The following KIAA1549L variants were observed in gnomAD, a reference collection of about 807,000 sequenced individuals.
The protein encoded by KIAA1549L is KIAA1549 like.
In KIAA1549L, 88 loss-of-function variants were observed where a neutral mutation model predicts 160.7. The observed-to-expected ratio is 0.55, with a 90% CI of 0.46 to 0.65. The LOEUF (loss-of-function observed/expected upper bound fraction) is 0.65, where lower values mean the gene tolerates loss of function less well. Ranked by LOEUF, KIAA1549L falls within the 30% of genes least tolerant of loss-of-function variation. KIAA1549L has a pLI of 0.00. For missense variants in KIAA1549L, 2,258 were observed against 2,437.5 expected (o/e 0.93, Z 1.55); for synonymous variants, 950 against 976.7 (o/e 0.97, Z 0.51).
intron 16 of KIAA1549L, among the ~76,000 whole-genome samples, chr11:33,642,054 G>A (rs562420069): frequency 6.6e-6 from 1 of 152,180 alleles, no homozygotes; most frequent in South Asian, 2.1e-4. Context: ...GGGGGAGGGA[G>A]GTGCAGGGAT....
intron 12 of KIAA1549L, among the ~76,000 whole-genome samples, chr11:33,592,016 G>A (rs766040653): frequency 7.2e-5 from 11 of 152,170 alleles, no homozygotes; most frequent in East Asian, 1.9e-4. Context: ...GGAAAACCTC[G>A]TGGAGAAGGT....
chr11:33,425,396 G>T (rs1851095929), intron 1 of KIAA1549L, among the ~76,000 whole-genome samples: 1 of 152,194 alleles, frequency 6.6e-6, no homozygotes, highest in Non-Finnish European at 1.5e-5. Flanking sequence ...GTGTCACTGT[G>T]ATGTATCAAG....
chr11:33,442,568 T>C (rs1209398414), intron 1 of KIAA1549L, among the ~76,000 whole-genome samples: 1 of 152,248 alleles, frequency 6.6e-6, no homozygotes, highest in African/African-American at 2.4e-5. Flanking sequence ...ATCTGTCTTT[T>C]CACTCTGACT....
chr11:33,602,126 A>G (rs1850382244), intron 13 of KIAA1549L, among the ~76,000 whole-genome samples: 2 of 152,212 alleles, frequency 1.3e-5, no homozygotes, highest in Non-Finnish European at 2.9e-5. Context: ...TGAACCCTTT[A>G]AAGTATGCCC....
intron 1 of KIAA1549L, among the ~76,000 whole-genome samples, chr11:33,486,615 G>A (rs1417331866): frequency 6.6e-6 from 1 of 151,978 alleles, no homozygotes; most frequent in African/African-American, 2.4e-5. Context: ...TTAAAGGTTA[G>A]TAAATGATTT....
chr11:33,654,084 T>C (rs1162647937), intron 17 of KIAA1549L, among the ~76,000 whole-genome samples: 1 of 152,126 alleles, frequency 6.6e-6, no homozygotes, highest in Non-Finnish European at 1.5e-5. Context: ...GCAATTCTCC[T>C]GCCTCAGCCT....
At chr11:33,536,628 A>G (rs1269066141) in intron 1 of KIAA1549L, among the ~76,000 whole-genome samples, 1 of 152,230 alleles carries the variant, frequency 6.6e-6, no homozygotes, top group African/African-American at 2.4e-5. Context: ...AAGCCCACTC[A>G]GATTCAAGGA....
At position 33,543,892 on chromosome 11, in the gene KIAA1549L, C is replaced by G; in HGVS notation, c.2329C>G (p.Leu777Val). Residue 777 changes from leucine (L) to valine (V), a missense_variant, in exon 2 of 21, where the codon CTA becomes GTA. This residue lies in a region of KIAA1549L where 287 missense variants were observed against 292.3 expected (regional missense o/e 0.98). Coordinates refer to ENST00000658780, the MANE Select transcript of KIAA1549L (RefSeq NM_012194.3). ...TGCAGAAGGGTTTAGTATTCAGGATCTAGTCCTCGGTACAAGCATTGAGCA... is the reference window on the plus strand; with the variant it reads ...TGCAGAAGGGTTTAGTATTCAGGATGTAGTCCTCGGTACAAGCATTGAGCA... ...VTAEGFSIQDLVLGTSIEQPV... is the reference protein window; with the variant it reads ...VTAEGFSIQDVVLGTSIEQPV... The G allele has an allele frequency of 6.2e-7, 1 of 1,614,036 alleles. No homozygotes were observed. The highest frequency in any genetic ancestry group is 8.5e-7 in the Non-Finnish European group (1 of 1,179,896).
intron 1 of KIAA1549L, among the ~76,000 whole-genome samples, chr11:33,401,712 C>A (rs12578093): frequency 0.06 from 9,106 of 152,234 alleles, 313 homozygotes; most frequent in South Asian, 0.11. Context: ...CAGGCACATG[C>A]CACAATGCCC....
chr11:33,550,157 G>C (rs1263304054), intron 4 of KIAA1549L, among the ~76,000 whole-genome samples: 4 of 151,724 alleles, frequency 2.6e-5, no homozygotes, highest in African/African-American at 9.7e-5. Context: ...TAATAGCACT[G>C]AACAGCACAC....
At chr11:33,511,057 T>G (rs570694967) in intron 1 of KIAA1549L, among the ~76,000 whole-genome samples, 2 of 152,322 alleles carry the variant, frequency 1.3e-5, no homozygotes, top group African/African-American at 2.4e-5. Flanking sequence ...AAACATTAGT[T>G]TTCCATGGCG....
rs1393678850 is a variant in KIAA1549L at position 33,673,812 on chromosome 11, A to C, written c.*5658A>C. ...GAAATTGCCCACAAGATCTAGCCTC[A>C]TCTGGAGTTGCTGTTATTGTCCTTG... On this transcript the variant is annotated 3_prime_UTR_variant, in exon 21 of 21. Transcript: ENST00000658780. 2 of 152,220 alleles carry C rather than the reference A, an allele frequency of 1.3e-5. No individual in the cohort carries two copies. The highest frequency in any genetic ancestry group is 3.9e-4 in the East Asian group (2 of 5,192). The allele number at this position is 152,220 out of a possible 1,614,324, so 9.4% of individuals were successfully genotyped here. A position where few individuals can be genotyped will look rare whatever the true frequency, so the allele number is the denominator to read the frequency against.
chr11:33,651,654 C>G (rs1242417135), intron 17 of KIAA1549L, among the ~76,000 whole-genome samples: 3 of 152,128 alleles, frequency 2.0e-5, no homozygotes, highest in Non-Finnish European at 4.4e-5. Flanking sequence ...TAGTGCCACC[C>G]TGGAGGTTTA....
intron 16 of KIAA1549L, among the ~76,000 whole-genome samples, chr11:33,624,049 A>G (rs1362933886): frequency 6.6e-6 from 1 of 152,076 alleles, no homozygotes; most frequent in East Asian, 1.9e-4. Flanking sequence ...CTGTAGGTAT[A>G]CTTTCAGGGA....
At chr11:33,381,517 A>C (rs1399119952) in intron 1 of KIAA1549L, among the ~76,000 whole-genome samples, 1 of 152,202 alleles carries the variant, frequency 6.6e-6, no homozygotes, top group Non-Finnish European at 1.5e-5. Flanking sequence ...GAGAGTAGTG[A>C]GAAATGATGT....
chr11:33,487,722 G>A (rs912338801), intron 1 of KIAA1549L, among the ~76,000 whole-genome samples: 19 of 152,022 alleles, frequency 1.2e-4, no homozygotes, highest in African/African-American at 3.9e-4. Context: ...AGTATTTTCC[G>A]GAAGTTTTCT....
At chr11:33,648,499 G>A (rs544791869) in intron 17 of KIAA1549L, among the ~76,000 whole-genome samples, 1 of 108,032 alleles carries the variant, frequency 9.3e-6, no homozygotes, top group South Asian at 3.1e-4. Flanking sequence ...AATTTAGAAT[G>A]ATAACTATGA....
At chr11:33,518,138 C>CAAAAAAAAAAAAAAAA (rs560876643) in intron 1 of KIAA1549L, among the ~76,000 whole-genome samples, 41 of 59,410 alleles carry the variant, frequency 6.9e-4, no homozygotes, top group African/African-American at 7.9e-4. Context: ...GACTCTGTCT[C>CAAAAAAAAAAAAAAAA]AAAAAAAAAA....
chr11:33,642,067 T>G (rs1851601428), intron 16 of KIAA1549L, among the ~76,000 whole-genome samples: 1 of 152,142 alleles, frequency 6.6e-6, no homozygotes, highest in Admixed American at 6.5e-5. Flanking sequence ...GCAGGGATGT[T>G]TCTCTTCATG....
Sources: gnomAD v4.1 joint callset for allele counts (sites outside exome capture counted in the v4.1 genomes callset) on GRCh38, gnomAD v4.1.1 for gene constraint, gnomAD v4.1.1 regional missense constraint, MANE v1.5 for transcripts, NCBI Gene and HGNC (gene_info 2026-07-23, HGNC 2026-07-21) for gene names.